The following IRAK2 variants were observed in gnomAD, a reference collection of about 807,000 sequenced individuals.
IRAK2 encodes interleukin 1 receptor associated kinase 2.
IRAK2 carries 57 observed loss-of-function variants against 72.0 expected under a neutral mutation model. That is an observed-to-expected ratio of 0.79 (90% CI 0.64 to 0.99). The LOEUF (loss-of-function observed/expected upper bound fraction) is 0.99, where lower values mean the gene tolerates loss of function less well. Among genes scored for constraint, IRAK2 ranks in the 50% least tolerant of loss-of-function variants. The pLI is 0.00. For synonymous variants in IRAK2, 293 were observed against 312.7 expected (o/e 0.94, Z 0.67); for missense variants, 790 against 794.4 (o/e 0.99, Z 0.07).
intron 9 of IRAK2, among the ~76,000 whole-genome samples, chr3:10,224,381 C>A (rs1697739640): frequency 6.6e-6 from 1 of 151,706 alleles, no homozygotes; most frequent in Non-Finnish European, 1.5e-5. Context: ...GATAGAACCC[C>A]TAGGCCCGGC....
chr3:10,212,463 A>G (rs1697535786), intron 4 of IRAK2, among the ~76,000 whole-genome samples: 1 of 152,100 alleles, frequency 6.6e-6, no homozygotes, highest in South Asian at 2.1e-4. Context: ...CTGGAACCCC[A>G]GTATCTATGC....
chr3:10,182,161 GTT>G (rs1447137617), intron 2 of IRAK2, among the ~76,000 whole-genome samples: 1 of 151,696 alleles, frequency 6.6e-6, no homozygotes, highest in Non-Finnish European at 1.5e-5. Flanking sequence ...AGAGACGGGG[GTT>G]TCACCATATT....
At chr3:10,171,822 A>G (rs542522236) in intron 1 of IRAK2, among the ~76,000 whole-genome samples, 4 of 150,940 alleles carry the variant, frequency 2.7e-5, no homozygotes, top group South Asian at 2.1e-4. Context: ...CTGGAGTCCA[A>G]TGATGCAATC....
chr3:10,190,201 T>A (rs942624655), intron 2 of IRAK2, among the ~76,000 whole-genome samples: 2 of 148,596 alleles, frequency 1.3e-5, no homozygotes, highest in African/African-American at 5.0e-5. Context: ...GGAAAATGGG[T>A]AAAGACATTG....
In IRAK2 at chr3:10,213,679, GCTA is replaced by G. The variant is rs529935023; in HGVS notation, c.788+135_788+137del. ...TCCTTACAAGAACCCTATAAATGTA[GCTA>G]CTATTATCACATTATTTTACAGATG... On this transcript the variant is annotated intron_variant, in intron 6 of 12. Transcript: ENST00000256458. 933 of 690,182 alleles carry G rather than the reference GCTA, an allele frequency of 1.4e-3. 1 individual carries two copies. Among genetic ancestry groups the G allele is most frequent in the Non-Finnish European group, 2.0e-3 (790 of 398,572 alleles). 42.8% of individuals were successfully genotyped at this position (690,182 alleles called of 1,614,324 possible). A position where few individuals can be genotyped will look rare whatever the true frequency, so the allele number is the denominator to read the frequency against.
At chr3:10,182,556 C>T (rs1386008999) in intron 2 of IRAK2, among the ~76,000 whole-genome samples, 3 of 152,118 alleles carry the variant, frequency 2.0e-5, no homozygotes, top group Admixed American at 1.3e-4. Flanking sequence ...GCTGGGATTA[C>T]AGGCGTGAGC....
At chr3:10,184,093 C>T (rs933879033) in intron 2 of IRAK2, among the ~76,000 whole-genome samples, 2 of 152,150 alleles carry the variant, frequency 1.3e-5, no homozygotes, top group African/African-American at 4.8e-5. Flanking sequence ...CCTACATGCA[C>T]ATCGCAGACA....
intron 3 of IRAK2, among the ~76,000 whole-genome samples, chr3:10,209,207 G>T (rs142510232): frequency 6.6e-6 from 1 of 152,290 alleles, no homozygotes; most frequent in African/African-American, 2.4e-5. Context: ...TTGGTAGCTA[G>T]TTCACCTCTG....
rs768528689 is a variant in IRAK2 at position 10,234,435 on chromosome 3, G to A, written c.1273-24G>A. On this transcript the variant is annotated intron_variant, in intron 10 of 12. Coordinates refer to ENST00000256458, the MANE Select transcript of IRAK2 (RefSeq NM_001570.4). The stretch of plus-strand genomic sequence containing the variant: ...TCGCAGCTCTGCAGCTCACGCAAGG[G>A]CGTTTCTACCCTTCTTCCCACAGAA... 4.4e-6 allele frequency: 7 copies of A among 1,605,254 alleles called. No homozygotes were observed. The East Asian group carries it at 1.1e-4, about 26-fold the overall frequency.
At chr3:10,165,888 G>A (rs1032015403) in intron 1 of IRAK2, among the ~76,000 whole-genome samples, 5 of 151,954 alleles carry the variant, frequency 3.3e-5, no homozygotes, top group South Asian at 2.1e-4. Flanking sequence ...CCGCCACCAC[G>A]CCCGGCTAAC....
intron 1 of IRAK2, among the ~76,000 whole-genome samples, chr3:10,172,648 G>A (rs1696815537): frequency 6.7e-6 from 1 of 148,444 alleles, no homozygotes; most frequent in Admixed American, 6.8e-5. Context: ...GCCCAGCCTG[G>A]CCAACATAGT....
chr3:10,171,208 C>T (rs1248766030), intron 1 of IRAK2, among the ~76,000 whole-genome samples: 2 of 152,308 alleles, frequency 1.3e-5, no homozygotes, highest in South Asian at 4.1e-4. Flanking sequence ...CGCAGGGGCT[C>T]TTCTGTGTGT....
Position 10,177,927 on chromosome 3 carries a change from T to C in IRAK2, c.184T>C (p.Trp62Arg). 6.2e-7 allele frequency: 1 copy of C among 1,613,836 alleles called. No individual in the cohort carries two copies. Among genetic ancestry groups the C allele is most frequent in the Non-Finnish European group, 8.5e-7 (1 of 1,179,996 alleles). ...TGTGAGCATCACGCGGGAGCTGCTG[T>C]GGTGGTGGGGCATGCGGCAGGCCAC... ...QGVSITRELL[W>R]WWGMRQATVQ... The change falls in exon 2 of 13, where the codon TGG becomes CGG. Residue 62 changes from tryptophan (W) to arginine (R), a missense_variant. Physicochemically the swap from Trp to Arg is moderately radical, Grantham distance 101. Coordinates refer to ENST00000256458, the MANE Select transcript of IRAK2 (RefSeq NM_001570.4).
chr3:10,167,441 G>C (rs1270817598), intron 1 of IRAK2, among the ~76,000 whole-genome samples: 1 of 150,814 alleles, frequency 6.6e-6, no homozygotes, highest in Non-Finnish European at 1.5e-5. Flanking sequence ...TTGAGACGGA[G>C]TCTCGCTTTG....
intron 12 of IRAK2, 75 bp downstream of exon 12, chr3:10,239,114 G>A: frequency 1.5e-6 from 2 of 1,335,542 alleles, no homozygotes; most frequent in Middle Eastern, 2.4e-4. Context: ...TTTTCTTTCT[G>A]TTGCCTTCAT....
At chr3:10,214,768 G>A (rs1251407598) in intron 6 of IRAK2, among the ~76,000 whole-genome samples, 1 of 151,664 alleles carries the variant, frequency 6.6e-6, no homozygotes, top group East Asian at 1.9e-4. Context: ...AACATAGCGA[G>A]ACCCTGTCTC....
Position 10,188,908 on chromosome 3 carries a change from G to A in IRAK2, c.277+10888G>A, listed in dbSNP as rs11465870. Among the ~76,000 whole-genome samples, 909 of 152,320 alleles carry A rather than the reference G, an allele frequency of 6.0e-3. 10 individuals carry two copies. The highest frequency in any genetic ancestry group is 0.021 in the African/African-American group (856 of 41,574). On this transcript the variant is annotated intron_variant, in intron 2 of 12. Transcript: ENST00000256458. ...AATCCCTGACCTCAGTGATCCACCC[G>A]CCTTGGCCTCCCAAAATATTGGGAT...
intron 4 of IRAK2, among the ~76,000 whole-genome samples, chr3:10,209,996 T>G (rs1335229775): frequency 6.6e-6 from 1 of 152,170 alleles, no homozygotes; most frequent in East Asian, 1.9e-4. Flanking sequence ...CTCGGGTCAC[T>G]GCAACCTCCG....
At chr3:10,171,510 G>A (rs568296837) in intron 1 of IRAK2, among the ~76,000 whole-genome samples, 1 of 151,966 alleles carries the variant, frequency 6.6e-6, no homozygotes, top group African/African-American at 2.4e-5. Flanking sequence ...GGACTTTGAA[G>A]ACAGGCAAGG....
Sources: allele counts gnomAD v4.1 joint callset (sites outside exome capture counted in the v4.1 genomes callset), GRCh38; gene constraint gnomAD v4.1.1; transcripts MANE v1.5; gene names NCBI Gene and HGNC (gene_info 2026-07-23, HGNC 2026-07-21).